AFF1: variants seen among roughly 807,000 people sequenced by gnomAD.
The protein encoded by AFF1 is AF4/FMR2 family member 1.
AFF1 carries 48 observed loss-of-function variants against 121.7 expected under a neutral mutation model. The observed-to-expected ratio is 0.39, with a 90% CI of 0.31 to 0.50. The LOEUF is 0.50. Among genes scored for constraint, AFF1 ranks in the 20% least tolerant of loss-of-function variants. The pLI is 0.76. For synonymous variants in AFF1, 613 were observed against 563.0 expected (o/e 1.09, Z -1.26); for missense variants, 1,523 against 1,511.7 (o/e 1.01, Z -0.12).
Position 87,084,170 on chromosome 4 carries a change from T to C in AFF1, c.1104+6T>C, listed in dbSNP as rs556560869. On this transcript the variant is annotated splice_donor_region_variant and intron_variant, in intron 5 of 20. Coordinates refer to ENST00000395146, the MANE Select transcript of AFF1 (RefSeq NM_001166693.3). ...GTGTTGAAGAGATTCTGAAGGTGAG[T>C]TCACTGTTAATCTTTCTCATTTGAA... The C allele has an allele frequency of 6.9e-5, 111 of 1,613,382 alleles. 3 individuals are homozygous for C. In the South Asian group the frequency reaches 1.1e-3, roughly 16 times the overall value.
intron 11 of AFF1, among the ~76,000 whole-genome samples, chr4:87,109,390 A>G (rs914060866): frequency 1.3e-5 from 2 of 152,234 alleles, no homozygotes; most frequent in Non-Finnish European, 2.9e-5. Flanking sequence ...GGCGCAGAAA[A>G]TAAGAGCTTG....
chr4:86,985,507 CAAAAA>C (rs34276113), intron 2 of AFF1, among the ~76,000 whole-genome samples: 2 of 96,506 alleles, frequency 2.1e-5, no homozygotes, highest in Non-Finnish European at 2.1e-5. Flanking sequence ...GACACTGTCT[CAAAAA>C]AAAAAAAAAA....
At chr4:87,020,872 C>T in intron 2 of AFF1, 1 of 971,646 alleles carries the variant, frequency 1.0e-6, no homozygotes, top group Non-Finnish European at 1.2e-6. Flanking sequence ...TTAATGTATT[C>T]TTCCAGAAGG....
chr4:87,046,789 A>G lies in AFF1; in HGVS notation c.254A>G (p.His85Arg). 3 of 1,614,214 alleles carry G rather than the reference A, an allele frequency of 1.9e-6. No homozygotes were observed. Among genetic ancestry groups the G allele is most frequent in the Non-Finnish European group, 2.5e-6 (3 of 1,180,038 alleles). Residue 85 changes from histidine to arginine, a missense_variant, in exon 4 of 21, where the codon CAT becomes CGT. His to Arg is a conservative substitution (Grantham distance 29). Around this residue, in one of 5 missense-constraint regions of AFF1, gnomAD observed 369 missense variants for 367.2 expected, o/e 1.00. Coordinates refer to ENST00000395146, the MANE Select transcript of AFF1 (RefSeq NM_001166693.3). ...KEFLSTKSHT[H>R]RLDASENRLG... is the part of the protein sequence containing the mutation. ...TTCCTTAGTACTAAGTCTCACACTC[A>G]TCGCCTGGATGCTTCTGAAAATAGG...
intron 2 of AFF1, among the ~76,000 whole-genome samples, chr4:86,987,477 A>G (rs1474072979): frequency 6.6e-6 from 1 of 152,102 alleles, no homozygotes; most frequent in Non-Finnish European, 1.5e-5. Flanking sequence ...TTGATAACCA[A>G]GAATGTATAG....
Position 87,136,799 on chromosome 4 carries a change from A to G in AFF1, c.*1098A>G, listed in dbSNP as rs1314653938. The G allele has an allele frequency of 9.0e-6, 2 of 222,478 alleles. No homozygotes were observed. The highest frequency in any genetic ancestry group is 4.5e-5 in the African/African-American group (2 of 44,692). 13.8% of individuals were successfully genotyped at this position (222,478 alleles called of 1,614,324 possible). A position where few individuals can be genotyped will look rare whatever the true frequency, so the allele number is the denominator to read the frequency against. ...TATATTTTTCTGCTACAAATATTTT[A>G]TATTTATAGCAAAACTAGACTTTCA... On this transcript the variant is annotated 3_prime_UTR_variant, in exon 21 of 21. Transcript: ENST00000395146.
At chr4:87,098,813 G>A (rs1725132736) in intron 8 of AFF1, among the ~76,000 whole-genome samples, 1 of 152,200 alleles carries the variant, frequency 6.6e-6, no homozygotes, top group Admixed American at 6.5e-5. Context: ...ATCTGGATGT[G>A]AAGGCTGAGA....
intron 2 of AFF1, among the ~76,000 whole-genome samples, chr4:87,034,064 G>A (rs567125260): frequency 1.3e-5 from 2 of 152,168 alleles, no homozygotes; most frequent in African/African-American, 4.8e-5. Flanking sequence ...TTTAGATGGG[G>A]ATTGAAAGGT....
In AFF1 at chr4:87,135,934, C is replaced by A; in HGVS notation, c.*233C>A. On this transcript the variant is annotated 3_prime_UTR_variant, in exon 21 of 21. Transcript: ENST00000395146. The stretch of plus-strand genomic sequence containing the variant: ...TGGCCCCAGAGATGATCTTGCCCTT[C>A]CTAACTAAAGGACAGAAGTGCAATT... 1 of 543,942 alleles carries A rather than the reference C, an allele frequency of 1.8e-6. No individual in the cohort carries two copies. The highest frequency in any genetic ancestry group is 3.4e-5 in the East Asian group (1 of 29,052). 33.7% of individuals were successfully genotyped at this position (543,942 alleles called of 1,614,324 possible).
At chr4:87,082,478 A>G (rs989918909) in intron 4 of AFF1, among the ~76,000 whole-genome samples, 1 of 151,912 alleles carries the variant, frequency 6.6e-6, no homozygotes, top group African/African-American at 2.4e-5. Context: ...TGACTTCAAG[A>G]CTCTTTCCAG....
intron 8 of AFF1, among the ~76,000 whole-genome samples, chr4:87,096,146 G>A (rs1449571417): frequency 2.0e-5 from 3 of 152,140 alleles, no homozygotes; most frequent in Non-Finnish European, 4.4e-5. Flanking sequence ...ACAAGAAGAC[G>A]AGGTGTTTTT....
At position 87,134,609 on chromosome 4, in the gene AFF1, A is replaced by G; in HGVS notation, c.3450A>G (p.Thr1150=). 1.2e-6 allele frequency: 2 copies of G among 1,614,176 alleles called. No individual in the cohort carries two copies. The highest frequency in any genetic ancestry group is 1.7e-6 in the Non-Finnish European group (2 of 1,180,036). ...ISTPVTIQNM[T]SSYVTITSHV... is the part of the protein sequence containing the mutation. ...CCCCAGTCACCATCCAGAATATGAC[A>G]TCTTCCTATGTCACCATCACATCCC... Residue 1150 remains threonine (T), a synonymous_variant, in exon 20 of 21, where the codon ACA becomes ACG. Transcript: ENST00000395146.
intron 11 of AFF1, among the ~76,000 whole-genome samples, chr4:87,113,182 G>A (rs573655982): frequency 3.3e-5 from 5 of 152,278 alleles, no homozygotes; most frequent in South Asian, 2.1e-4. Context: ...TTTATGCCAC[G>A]CAATTGTACA....
intron 2 of AFF1, among the ~76,000 whole-genome samples, chr4:87,027,784 GTTTTT>G (rs35903702): frequency 1.1e-5 from 1 of 90,598 alleles, no homozygotes; most frequent in African/African-American, 4.4e-5. Flanking sequence ...TTGCTGTTGG[GTTTTT>G]TTTTTTTTTT....
chr4:86,995,697 CA>C (rs1204379573), intron 2 of AFF1, among the ~76,000 whole-genome samples: 1 of 151,788 alleles, frequency 6.6e-6, no homozygotes, highest in Non-Finnish European at 1.5e-5. Context: ...CTTGGCCTCC[CA>C]AAGTGCCGAG....
intron 8 of AFF1, among the ~76,000 whole-genome samples, chr4:87,101,771 C>T (rs1203140494): frequency 6.6e-6 from 1 of 152,160 alleles, no homozygotes; most frequent in Admixed American, 6.5e-5. Context: ...TTTAGCACAC[C>T]TGATACCATG....
intron 4 of AFF1, among the ~76,000 whole-genome samples, chr4:87,069,517 T>TCCCCTCCTCTTTCTCC (rs11275843): frequency 0.12 from 16,867 of 135,830 alleles, 2,582 homozygotes; most frequent in African/African-American, 0.36. Flanking sequence ...TTCTCTCCTC[T>TCCCCTCCTCTTTCTCC]CCCCTCCTCT....
At chr4:86,975,696 C>T (rs1200303489) in intron 2 of AFF1, among the ~76,000 whole-genome samples, 1 of 152,132 alleles carries the variant, frequency 6.6e-6, no homozygotes, top group Non-Finnish European at 1.5e-5. Context: ...GGTATATAAA[C>T]ACTTAATACT....
At chr4:87,092,455 A>T (rs894502258) in intron 7 of AFF1, among the ~76,000 whole-genome samples, 3 of 152,202 alleles carry the variant, frequency 2.0e-5, no homozygotes, top group African/African-American at 7.2e-5. Context: ...CTTGTGTTTT[A>T]AAAAACAAAA....
Sources: gnomAD v4.1 joint callset for allele counts (sites outside exome capture counted in the v4.1 genomes callset) on GRCh38, gnomAD v4.1.1 for gene constraint, gnomAD v4.1.1 regional missense constraint, MANE v1.5 for transcripts, NCBI Gene and HGNC (gene_info 2026-07-23, HGNC 2026-07-21) for gene names.